Variants in KCTD1 observed in about 807,000 individuals in gnomAD.
KCTD1 encodes potassium channel tetramerization domain containing 1.
Under a neutral mutation model 66.0 loss-of-function variants are expected in KCTD1, and 24 were observed. That is an observed-to-expected ratio of 0.36 (90% CI 0.26 to 0.51). The LOEUF (loss-of-function observed/expected upper bound fraction) is 0.51. Among genes scored for constraint, KCTD1 ranks in the 20% least tolerant of loss-of-function variants. The pLI, the probability that KCTD1 is intolerant of heterozygous loss-of-function variation, is 0.95. For missense variants in KCTD1, 943 were observed against 1,205.2 expected (o/e 0.78, Z 3.22); for synonymous variants, 511 against 517.2 (o/e 0.99, Z 0.16).
intron 1 of KCTD1, among the ~76,000 whole-genome samples, chr18:26,527,452 T>C (rs1323659334): frequency 6.9e-6 from 1 of 145,342 alleles, no homozygotes; most frequent in Non-Finnish European, 1.5e-5. Context: ...GAAAAACACA[T>C]TTTTATGTTT....
At chr18:26,559,206 T>C (rs1985786257) in intron 1 of KCTD1, among the ~76,000 whole-genome samples, 2 of 152,176 alleles carry the variant, frequency 1.3e-5, no homozygotes, top group Non-Finnish European at 2.9e-5. Context: ...AGGGGGACTA[T>C]AGTCAACAAT....
chr18:26,602,788 A>C (rs1986926544), intron 1 of KCTD1, among the ~76,000 whole-genome samples: 1 of 152,258 alleles, frequency 6.6e-6, no homozygotes, highest in Non-Finnish European at 1.5e-5. Context: ...GTATCAGTTC[A>C]GCATATGCTC....
At position 26,471,895 on chromosome 18, in the gene KCTD1, G is replaced by T. The variant is rs538300376; in HGVS notation, c.2133+4620C>A. 9.2e-5 allele frequency among the ~76,000 whole-genome samples: 14 copies of T among 152,326 alleles called. No homozygotes were observed. The South Asian group carries it at 2.5e-3, about 27-fold the overall frequency. ...GTGAAGCCACTCCAAGGAGTCCAGA[G>T]AGCTGCTGGGCCTTGGGCTAGGGAG... On this transcript the variant is annotated intron_variant, in intron 3 of 4. Coordinates refer to ENST00000580059, the MANE Select transcript of KCTD1 (RefSeq NM_001142730.3).
chr18:26,518,279 T>TA (rs2144739551), intron 1 of KCTD1, among the ~76,000 whole-genome samples: 1 of 152,152 alleles, frequency 6.6e-6, no homozygotes, highest in South Asian at 2.1e-4. Context: ...GGAAACAAAC[T>TA]AATTTGAAAA....
At chr18:26,630,295 A>T (rs372211411), upstream of KCTD1, among the ~76,000 whole-genome samples, 2 of 152,154 alleles carry the variant, frequency 1.3e-5, no homozygotes, top group Admixed American at 1.3e-4. Flanking sequence ...TAATTTTATT[A>T]AGTCTTGACC....
upstream of KCTD1, among the ~76,000 whole-genome samples, chr18:26,632,871 A>T (rs1038663213): frequency 1.3e-5 from 2 of 152,202 alleles, no homozygotes; most frequent in Admixed American, 1.3e-4. Context: ...TAAAATTATC[A>T]ATTATTCCAA....
Position 26,548,207 on chromosome 18 carries a change from C to T in KCTD1, c.330G>A (p.Ser110=), listed in dbSNP as rs1467200106. 32 of 1,507,618 alleles carry T rather than the reference C, an allele frequency of 2.1e-5. No homozygotes were observed. The highest frequency in any genetic ancestry group is 2.8e-5 in the Non-Finnish European group (32 of 1,131,916). 93.4% of individuals were successfully genotyped at this position (1,507,618 alleles called of 1,614,324 possible). A position where few individuals can be genotyped will look rare whatever the true frequency, so the allele number is the denominator to read the frequency against. The change falls in exon 1 of 5, where the codon TCG becomes TCA. Residue 110 remains serine, a synonymous_variant. Transcript: ENST00000580059. The part of the protein sequence containing the change: ...DWDEPLEPED[S]AGEELEPEPV... ...GCTCGGGCTCCAGCTCCTCCCCGGC[C>T]GAGTCCTCGGGCTCCAGGGGCTCGT...
intron 2 of KCTD1, among the ~76,000 whole-genome samples, chr18:26,479,021 T>G (rs185007376): frequency 6.6e-6 from 1 of 152,318 alleles, no homozygotes; most frequent in East Asian, 1.9e-4. Flanking sequence ...GAAGTGTCAT[T>G]TAAATGGTTT....
intron 1 of KCTD1, among the ~76,000 whole-genome samples, chr18:26,560,154 CA>C (rs1489643694): frequency 3.4e-5 from 2 of 58,870 alleles, no homozygotes; most frequent in Non-Finnish European, 1.1e-4. Flanking sequence ...AAAAAAAAAA[CA>C]AAACAGATAA....
intron 3 of KCTD1, among the ~76,000 whole-genome samples, chr18:26,469,461 G>A (rs1190524298): frequency 6.6e-6 from 1 of 152,156 alleles, no homozygotes; most frequent in African/African-American, 2.4e-5. Context: ...TATGTGCTGA[G>A]GTTTAGTTAA....
At chr18:26,641,959 C>T (rs1364700762), upstream of KCTD1, among the ~76,000 whole-genome samples, 3 of 152,158 alleles carry the variant, frequency 2.0e-5, no homozygotes, top group Admixed American at 1.3e-4. Flanking sequence ...ATTATACTGA[C>T]AATGGCACTG....
chr18:26,457,231 A>C (rs1326993003), intron 4 of KCTD1: 1 of 152,194 alleles, frequency 6.6e-6, no homozygotes, highest in Non-Finnish European at 1.5e-5. Context: ...TCTGTAGGTA[A>C]ATTCACAATG....
intron 1 of KCTD1, among the ~76,000 whole-genome samples, chr18:26,651,697 T>C (rs1159603287): frequency 6.8e-6 from 1 of 147,004 alleles, no homozygotes; most frequent in East Asian, 2.0e-4. Context: ...GACAGGAGAA[T>C]CGCTTGAGCC....
At chr18:26,628,466 A>G (rs547865639) in intron 1 of KCTD1, among the ~76,000 whole-genome samples, 90 of 152,316 alleles carry the variant, frequency 5.9e-4, no homozygotes, top group Non-Finnish European at 9.7e-4. Flanking sequence ...CATTTTGTGA[A>G]CAACTTCATT....
chr18:26,517,644 C>A (rs933535587), intron 1 of KCTD1, among the ~76,000 whole-genome samples: 2 of 120,668 alleles, frequency 1.7e-5, no homozygotes, highest in Non-Finnish European at 3.2e-5. Context: ...GCAACAAGAG[C>A]GAAACTCCGT....
intron 1 of KCTD1, among the ~76,000 whole-genome samples, chr18:26,602,939 G>C (rs1397703472): frequency 6.6e-6 from 1 of 152,094 alleles, no homozygotes; most frequent in Non-Finnish European, 1.5e-5. Context: ...TAGACAAATG[G>C]AACAGAATGG....
chr18:26,482,696 G>A (rs1354910798), intron 2 of KCTD1, among the ~76,000 whole-genome samples: 28 of 152,076 alleles, frequency 1.8e-4, no homozygotes, highest in Admixed American at 1.0e-3. Flanking sequence ...CATGTAACTC[G>A]ACACCAGGCC....
chr18:26,521,494 A>G (rs190047385), intron 1 of KCTD1, among the ~76,000 whole-genome samples: 1 of 152,216 alleles, frequency 6.6e-6, no homozygotes, highest in African/African-American at 2.4e-5. Flanking sequence ...CTTACTTCAC[A>G]GGGCTGTCTG....
chr18:26,458,342 G>C (rs1286681759), intron 4 of KCTD1: 1 of 152,194 alleles, frequency 6.6e-6, no homozygotes, highest in Non-Finnish European at 1.5e-5. Context: ...ACAGAAGAGT[G>C]GGTGCTTCTA....
Sources: gnomAD v4.1 joint callset for allele counts (sites outside exome capture counted in the v4.1 genomes callset) on GRCh38, gnomAD v4.1.1 for gene constraint, MANE v1.5 for transcripts, NCBI Gene and HGNC (gene_info 2026-07-23, HGNC 2026-07-21) for gene names.